The following C18orf63 variants were observed in gnomAD, a reference collection of about 807,000 sequenced individuals.
C18orf63 encodes uncharacterized protein C18orf63.
A neutral mutation model predicts 75.3 loss-of-function variants in C18orf63; 50 were observed. That is an observed-to-expected ratio of 0.66 (90% confidence interval 0.53 to 0.84). C18orf63 has a LOEUF of 0.84. Among genes scored for constraint, C18orf63 ranks in the 40% least tolerant of loss-of-function variants. The probability of loss-of-function intolerance (pLI) is 0.00; values close to 1 mark genes in which losing one functional copy is unlikely to be tolerated. For synonymous variants in C18orf63, 232 were observed against 267.6 expected (o/e 0.87, Z 1.30); for missense variants, 732 against 800.2 (o/e 0.91, Z 1.03).
chr18:74,352,064 A>ATT (rs1984675105), intron 11 of C18orf63, among the ~76,000 whole-genome samples: 6 of 152,222 alleles, frequency 3.9e-5, no homozygotes, highest in African/African-American at 1.2e-4. Context: ...ATAGTCAGTC[A>ATT]TTAAAAGGAA....
At chr18:74,347,488 TTG>T (rs1455195514) in intron 11 of C18orf63, among the ~76,000 whole-genome samples, 1 of 152,096 alleles carries the variant, frequency 6.6e-6, no homozygotes, top group Non-Finnish European at 1.5e-5. Context: ...TCCTTGGGCA[TTG>T]GCCCTCTGTA....
At chr18:74,323,735 A>C (rs1984162765) in intron 4 of C18orf63, among the ~76,000 whole-genome samples, 1 of 152,228 alleles carries the variant, frequency 6.6e-6, no homozygotes. Flanking sequence ...AATTTTGTTC[A>C]ACGTTGTTTC....
At chr18:74,321,669 A>G (rs1984125916) in intron 3 of C18orf63, among the ~76,000 whole-genome samples, 2 of 152,072 alleles carry the variant, frequency 1.3e-5, no homozygotes, top group African/African-American at 2.4e-5. Flanking sequence ...GTAAATTAAT[A>G]TCTTATTTGT....
chr18:74,318,127 A>G, intron 2 of C18orf63, 128 bp downstream of exon 2: 1 of 578,052 alleles, frequency 1.7e-6, no homozygotes, highest in African/African-American at 1.9e-5. Flanking sequence ...AAAATAAAGG[A>G]AGTCAGATTT....
At position 74,328,937 on chromosome 18, in the gene C18orf63, A is replaced by G. The variant is rs1215023015; in HGVS notation, c.383-58A>G. ...TCTCACATCAAGCATAGTTATAAATATCAAGCATGATTATTTATGAGTTGT... is the reference window on the plus strand; with the variant it reads ...TCTCACATCAAGCATAGTTATAAATGTCAAGCATGATTATTTATGAGTTGT... On this transcript the variant is annotated intron_variant, in intron 5 of 13. Transcript: ENST00000579455. 5.3e-6 allele frequency: 5 copies of G among 946,548 alleles called. No individual in the cohort carries two copies. The South Asian group carries it at 7.1e-5, about 13-fold the overall frequency. The allele number at this position is 946,548 out of a possible 1,614,324, so 58.6% of individuals were successfully genotyped here.
rs1246840587 is a variant in C18orf63 at position 74,356,653 on chromosome 18, C to T, written c.*206C>T. ...TGGGTTTCTGTATTTAACTAGTCCC[C>T]TATTGATAGACACTTCAGTTCTTCC... On this transcript the variant is annotated 3_prime_UTR_variant, in exon 14 of 14. Transcript: ENST00000579455. The T allele has an allele frequency of 6.6e-6, 1 of 152,308 alleles. No homozygotes were observed. Among genetic ancestry groups the T allele is most frequent in the Admixed American group, 6.6e-5 (1 of 15,254 alleles). The allele number at this position is 152,308 out of a possible 1,614,324, so 9.4% of individuals were successfully genotyped here.
chr18:74,323,001 C>T (rs1309933061), intron 4 of C18orf63, among the ~76,000 whole-genome samples: 2 of 152,220 alleles, frequency 1.3e-5, no homozygotes, highest in Non-Finnish European at 2.9e-5. Context: ...TTGCCATATA[C>T]ATCTTCAGAT....
intron 8 of C18orf63, 41 bp from the exon 9 acceptor site, chr18:74,341,991 T>C (rs2145126586): frequency 2.1e-6 from 2 of 965,720 alleles, no homozygotes; most frequent in East Asian, 5.2e-5. Context: ...TAAACTATAT[T>C]TAAGCATTGG....
chr18:74,319,944 T>A (rs1342607936), intron 2 of C18orf63, among the ~76,000 whole-genome samples: 1 of 152,142 alleles, frequency 6.6e-6, no homozygotes, highest in Admixed American at 6.5e-5. Flanking sequence ...ACTTCCTAAT[T>A]CTCTTAAGTC....
intron 7 of C18orf63, among the ~76,000 whole-genome samples, chr18:74,336,748 G>C (rs1472759932): frequency 6.6e-6 from 1 of 152,054 alleles, no homozygotes; most frequent in Non-Finnish European, 1.5e-5. Context: ...GTATTTATGT[G>C]TCACCTTCCT....
intron 11 of C18orf63, among the ~76,000 whole-genome samples, chr18:74,344,060 C>G (rs1298696555): frequency 1.3e-5 from 2 of 152,028 alleles, no homozygotes; most frequent in Non-Finnish European, 2.9e-5. Context: ...AAGATGCCTG[C>G]CCCTCACCAA....
At chr18:74,327,633 T>A (rs191927005) in intron 4 of C18orf63, among the ~76,000 whole-genome samples, 1 of 152,296 alleles carries the variant, frequency 6.6e-6, no homozygotes, top group East Asian at 1.9e-4. Flanking sequence ...GATTTCTCTT[T>A]GTGGAGCAGA....
chr18:74,352,335 T>C (rs1984680575), intron 11 of C18orf63, among the ~76,000 whole-genome samples: 1 of 152,200 alleles, frequency 6.6e-6, no homozygotes, highest in South Asian at 2.1e-4. Flanking sequence ...GGTTATATAA[T>C]ACAGTACAGT....
At position 74,331,312 on chromosome 18, in the gene C18orf63, C is replaced by T. The variant is rs141151304; in HGVS notation, c.501+370C>T. On this transcript the variant is annotated intron_variant, in intron 7 of 13. Transcript: ENST00000579455. ...CTTACTAAATTTAATATTAATTCCC[C>T]TGCCCTTGATATTCTGGTAGCATTT... Among the ~76,000 whole-genome samples, 12 of 152,282 alleles carry T rather than the reference C, an allele frequency of 7.9e-5. No homozygotes were observed. In the East Asian group the frequency reaches 2.1e-3, roughly 27 times the overall value.
intron 7 of C18orf63, among the ~76,000 whole-genome samples, chr18:74,336,386 A>T (rs1362070538): frequency 2.0e-5 from 3 of 152,120 alleles, no homozygotes; most frequent in African/African-American, 7.2e-5. Context: ...GAATTAAGAG[A>T]AAAAGAAAAT....
Position 74,356,617 on chromosome 18 carries a change from C to T in C18orf63, c.*170C>T, listed in dbSNP as rs9807250. Reference sequence around the variant, plus strand: ...TTTCTTTTTATTGTTTGCATAGCATCTTGTTGTATGTGGGTTTCTGTATTT... The same window carrying T: ...TTTCTTTTTATTGTTTGCATAGCATTTTGTTGTATGTGGGTTTCTGTATTT... On this transcript the variant is annotated 3_prime_UTR_variant, in exon 14 of 14. Transcript: ENST00000579455. The T allele has an allele frequency of 0.52, 79,536 of 152,236 alleles. 21,297 individuals carry two copies. The highest frequency in any genetic ancestry group is 0.6 in the Middle Eastern group (175 of 294). The allele number at this position is 152,236 out of a possible 1,614,324, so 9.4% of individuals were successfully genotyped here.
intron 11 of C18orf63, among the ~76,000 whole-genome samples, chr18:74,349,863 G>C (rs912614583): frequency 6.6e-6 from 1 of 152,178 alleles, no homozygotes; most frequent in African/African-American, 2.4e-5. Context: ...ACAGAAGTGT[G>C]GCTAGACCTT....
intron 2 of C18orf63, among the ~76,000 whole-genome samples, chr18:74,320,037 C>G (rs1054435272): frequency 6.6e-6 from 1 of 152,098 alleles, no homozygotes; most frequent in African/African-American, 2.4e-5. Flanking sequence ...CAATTGTTGC[C>G]TAGGAGAAAC....
rs1276764686 is a variant in C18orf63 at position 74,357,446 on chromosome 18, A to C, written c.*999A>C. 1 of 152,242 alleles carries C rather than the reference A, an allele frequency of 6.6e-6. No homozygotes were observed. Among genetic ancestry groups the C allele is most frequent in the Non-Finnish European group, 1.5e-5 (1 of 68,028 alleles). 9.4% of individuals were successfully genotyped at this position (152,242 alleles called of 1,614,324 possible). On this transcript the variant is annotated 3_prime_UTR_variant, in exon 14 of 14. Coordinates refer to ENST00000579455, the MANE Select transcript of C18orf63 (RefSeq NM_001174123.2). Reference sequence around the variant, plus strand: ...GAAACAGAAGTGGAGCTTCTCAGACAATGAATATTATTCTGGCTTTCAAAC... The same window carrying C: ...GAAACAGAAGTGGAGCTTCTCAGACCATGAATATTATTCTGGCTTTCAAAC...
Sources: allele counts gnomAD v4.1 joint callset (sites outside exome capture counted in the v4.1 genomes callset), GRCh38; gene constraint gnomAD v4.1.1; transcripts MANE v1.5; gene names NCBI Gene and HGNC (gene_info 2026-07-23, HGNC 2026-07-21).